RB1: variants seen among roughly 807,000 people sequenced by gnomAD.
The protein encoded by RB1 is RB transcriptional corepressor 1, also known as retinoblastoma-associated protein.
RB1 carries 18 observed loss-of-function variants against 135.4 expected under a neutral mutation model. The ratio of observed to expected loss-of-function variants is 0.13; its 90% CI spans 0.09 to 0.20. The LOEUF is 0.20. Ranked by LOEUF, RB1 falls within the 10% of genes least tolerant of loss-of-function variation. The pLI, the probability that RB1 is intolerant of heterozygous loss-of-function variation, is 1.00. For missense variants in RB1, 868 were observed against 1,110.0 expected (o/e 0.78, Z 3.10); for synonymous variants, 365 against 373.2 (o/e 0.98, Z 0.25).
rs535104577 is a variant in RB1 at position 48,448,384 on chromosome 13, C to T, written c.1696-4609C>T. ...TTCTCCCCGCCATAAAATCCAGCTCCTGTAGGACACCTTTTCTTCTGATGC... is the reference window on the plus strand; with the variant it reads ...TTCTCCCCGCCATAAAATCCAGCTCTTGTAGGACACCTTTTCTTCTGATGC... On this transcript the variant is annotated intron_variant, in intron 17 of 26. Coordinates refer to ENST00000267163, the MANE Select transcript of RB1 (RefSeq NM_000321.3). Among the ~76,000 whole-genome samples, 67 of 152,306 alleles carry T rather than the reference C, an allele frequency of 4.4e-4. 1 individual carries two copies. Among genetic ancestry groups the T allele is most frequent in the African/African-American group, 1.6e-3 (67 of 41,548 alleles).
At chr13:48,467,297 C>G (rs1216979780) in intron 23 of RB1, among the ~76,000 whole-genome samples, 14 of 128,242 alleles carry the variant, frequency 1.1e-4, no homozygotes, top group Admixed American at 3.3e-4. Context: ...AATTTCATAT[C>G]CAGCCAAACT....
chr13:48,369,180 T>G (rs1042702766), intron 11 of RB1, among the ~76,000 whole-genome samples: 24 of 152,210 alleles, frequency 1.6e-4, no homozygotes, highest in African/African-American at 5.5e-4. Context: ...TTGATCTGCA[T>G]GCAACCTTAA....
chr13:48,463,612 G>A, intron 20 of RB1, 119 bp from the exon 21 acceptor site: 1 of 706,502 alleles, frequency 1.4e-6, no homozygotes, highest in Non-Finnish European at 2.5e-6. Flanking sequence ...AGTATGGAAA[G>A]AAATAACTCT....
Position 48,465,284 on chromosome 13 carries a change from G to A in RB1, c.2405G>A (p.Gly802Glu), listed in dbSNP as rs2138345831. 6.2e-7 allele frequency: 1 copy of A among 1,611,910 alleles called. No individual in the cohort carries two copies. The highest frequency in any genetic ancestry group is 8.5e-7 in the Non-Finnish European group (1 of 1,178,142). ...FPSSPLRIPG[G>E]NIYISPLKSP... Reference sequence around the variant, plus strand: ...AGTTCACCCTTACGGATTCCTGGAGGGAACATCTATATTTCACCCCTGAAG... The same window carrying A: ...AGTTCACCCTTACGGATTCCTGGAGAGAACATCTATATTTCACCCCTGAAG... The change falls in exon 23 of 27, where the codon GGG becomes GAG. Residue 802 changes from glycine (G) to glutamate (E), a missense_variant. Gly to Glu is a moderately conservative substitution (Grantham distance 98). Transcript: ENST00000267163.
At chr13:48,352,521 C>T (rs1323174824) in intron 6 of RB1, among the ~76,000 whole-genome samples, 4 of 152,044 alleles carry the variant, frequency 2.6e-5, no homozygotes. Flanking sequence ...TTTGTGTCAT[C>T]TCTGATTGCT....
chr13:48,332,010 T>G (rs1250944864), intron 2 of RB1, among the ~76,000 whole-genome samples: 2 of 152,198 alleles, frequency 1.3e-5, no homozygotes, highest in African/African-American at 4.8e-5. Context: ...CCATTGTAAG[T>G]CAAGGACTAT....
chr13:48,381,108 T>G, intron 16 of RB1, 139 bp from the exon 17 acceptor site: 1 of 1,210,140 alleles, frequency 8.3e-7, no homozygotes, highest in South Asian at 1.7e-5. Context: ...GTCCGTAGAC[T>G]CCAAAATAAA....
chr13:48,428,573 A>C (rs538332382), intron 17 of RB1, among the ~76,000 whole-genome samples: 2 of 152,378 alleles, frequency 1.3e-5, no homozygotes, highest in East Asian at 3.9e-4. Flanking sequence ...TTAAGCAAAG[A>C]ACTTTGTCTT....
intron 2 of RB1, among the ~76,000 whole-genome samples, chr13:48,312,471 G>C (rs562053875): frequency 5.9e-5 from 9 of 152,264 alleles, no homozygotes; most frequent in Admixed American, 3.9e-4. Context: ...GCTTGTTCTT[G>C]TTGTGAGGGT....
At chr13:48,337,810 G>A (rs547463190) in intron 2 of RB1, among the ~76,000 whole-genome samples, 1 of 152,302 alleles carries the variant, frequency 6.6e-6, no homozygotes, top group African/African-American at 2.4e-5. Flanking sequence ...TTTTGCAGTG[G>A]CTGGTACCAG....
rs1479234078 is a variant in RB1 at position 48,481,873 on chromosome 13, AGTT to A, written c.*1806_*1808del. 1 of 214,890 alleles carries A rather than the reference AGTT, an allele frequency of 4.7e-6. No homozygotes were observed. Among genetic ancestry groups the A allele is most frequent in the Admixed American group, 5.8e-5 (1 of 17,190 alleles). The allele number at this position is 214,890 out of a possible 1,614,324, so 13.3% of individuals were successfully genotyped here. A position where few individuals can be genotyped will look rare whatever the true frequency, so the allele number is the denominator to read the frequency against. On this transcript the variant is annotated 3_prime_UTR_variant, in exon 27 of 27. Transcript: ENST00000267163. Reference sequence around the variant, plus strand: ...TAGTTTGTCTATTTTAAAATAAATTAGTTGTTAAGAGTCTTAATGGTCTGATGT... The same window carrying A: ...TAGTTTGTCTATTTTAAAATAAATTAGTTAAGAGTCTTAATGGTCTGATGT...
chr13:48,324,270 G>A (rs1051718536), intron 2 of RB1, among the ~76,000 whole-genome samples: 1 of 151,932 alleles, frequency 6.6e-6, no homozygotes, highest in Non-Finnish European at 1.5e-5. Flanking sequence ...TATAGTCACT[G>A]TATTGTGACT....
At chr13:48,357,324 G>A in intron 6 of RB1, among the ~76,000 whole-genome samples, 1 of 151,352 alleles carries the variant, frequency 6.6e-6, no homozygotes, top group East Asian at 1.9e-4. Flanking sequence ...TTTATCTCAA[G>A]CATTTTTTCC....
intron 2 of RB1, chr13:48,317,111 G>C (rs770798375): frequency 1.1e-6 from 1 of 906,546 alleles, no homozygotes; most frequent in Non-Finnish European, 1.5e-6. Flanking sequence ...GCAAGTGTGG[G>C]CTTCCAAAGA....
chr13:48,309,030 T>C (rs552226025), intron 2 of RB1, among the ~76,000 whole-genome samples: 1 of 152,168 alleles, frequency 6.6e-6, no homozygotes, highest in African/African-American at 2.4e-5. Flanking sequence ...GATATTTGGG[T>C]TTTTTCCAAC....
chr13:48,394,644 G>A (rs1420550286), intron 17 of RB1, among the ~76,000 whole-genome samples: 1 of 152,170 alleles, frequency 6.6e-6, no homozygotes, highest in East Asian at 1.9e-4. Context: ...TTCAAACTGG[G>A]CAGAGCCTAC....
chr13:48,456,594 A>C (rs1949362079), intron 19 of RB1, among the ~76,000 whole-genome samples: 1 of 150,070 alleles, frequency 6.7e-6, no homozygotes. Flanking sequence ...GCTCAGGCCC[A>C]CCGGGCTCAT....
At chr13:48,465,796 C>G (rs1053161218) in intron 23 of RB1, among the ~76,000 whole-genome samples, 40 of 148,444 alleles carry the variant, frequency 2.7e-4, no homozygotes, top group Non-Finnish European at 4.4e-4. Context: ...AAAGGGGTGA[C>G]GGACGCACCT....
At chr13:48,317,957 A>C in intron 2 of RB1, 2 of 439,256 alleles carry the variant, frequency 4.6e-6, no homozygotes, top group South Asian at 4.0e-5. Context: ...CTTTTCCGCC[A>C]AAAACTTACT....
Sources: gnomAD v4.1 joint callset for allele counts (sites outside exome capture counted in the v4.1 genomes callset) on GRCh38, gnomAD v4.1.1 for gene constraint, MANE v1.5 for transcripts, NCBI Gene and HGNC (gene_info 2026-07-23, HGNC 2026-07-21) for gene names.